The following TEX13A variants were observed in gnomAD, a reference collection of about 807,000 sequenced individuals.
TEX13A encodes testis-expressed protein 13A.
TEX13A carries 8 observed loss-of-function variants against 7.1 expected under a neutral mutation model. That is an observed-to-expected ratio of 1.12 (90% CI 0.66 to 2.03). The LOEUF (loss-of-function observed/expected upper bound fraction) is 2.03. TEX13A is among the 30% of genes most tolerant of loss of function. The pLI, the probability that TEX13A is intolerant of heterozygous loss-of-function variation, is 0.00. For synonymous variants in TEX13A, 151 were observed against 134.2 expected (o/e 1.13, Z -0.87); for missense variants, 362 against 332.2 (o/e 1.09, Z -0.70).
rs191775065 is a variant in TEX13A at position 105,219,986 on chromosome X, C to T, written c.412G>A (p.Glu138Lys). The part of the protein sequence containing the change: ...RLRMAQTSLV[E>K]VQKERDKELV... ...ACCTTGTCTCTCTCTTTCTGCACCTCCACGAGGCTGGTCTGGGCCATTCTT... is the reference window on the plus strand; with the variant it reads ...ACCTTGTCTCTCTCTTTCTGCACCTTCACGAGGCTGGTCTGGGCCATTCTT... Residue 138 changes from glutamate (E) to lysine (K), a missense_variant, in exon 2 of 3, where the codon GAG (glutamate) becomes AAG (lysine). Glu to Lys is a moderately conservative substitution (Grantham distance 56). Transcript: ENST00000600991. 383 of 1,204,141 alleles carry T rather than the reference C, an allele frequency of 3.2e-4. No homozygotes were observed. In the African/African-American group the frequency reaches 5.9e-3, roughly 19 times the overall value.
chrX:105,219,153 C>G lies in TEX13A; in HGVS notation c.1041G>C (p.Gly347=). ...CCTGATGGTCTATTCTGTGGGGCCC[C>G]CCATCAGACCACAGGCTAGTATCAA... The part of the protein sequence containing the change: ...EAFDTSLWSD[G]GPHRIDHQEH... The change falls in exon 3 of 3, where the codon GGG becomes GGC. Residue 347 remains glycine (G), a synonymous_variant. Transcript: ENST00000600991. The G allele has an allele frequency of 8.3e-7, 1 of 1,211,284 alleles. No homozygotes were observed. Among genetic ancestry groups the G allele is most frequent in the Non-Finnish European group, 1.1e-6 (1 of 895,339 alleles).
chrX:105,219,902 C>A (rs782365807), intron 2 of TEX13A, 61 bp downstream of exon 2: 31 of 1,112,099 alleles, frequency 2.8e-5, no homozygotes, highest in Non-Finnish European at 3.4e-5. Context: ...TGGGGCAGGG[C>A]AGTGGTACTG....
rs1228131777 is a variant in TEX13A, at chrX:105,219,604, T to G, written c.590A>C (p.Gln197Pro). ...GGCAGCCACAACCTCCACATCCCTCTGCTCTTCTTCTGCTCCTTTTCCTCC... is the reference window on the plus strand; with the variant it reads ...GGCAGCCACAACCTCCACATCCCTCGGCTCTTCTTCTGCTCCTTTTCCTCC... ...AAGGKGAEEEQRDVEVVAAPV... is the reference protein window; with the variant it reads ...AAGGKGAEEEPRDVEVVAAPV... The change falls in exon 3 of 3, where the codon CAG becomes CCG. Residue 197 changes from glutamine (Q) to proline (P), a missense_variant. Gln to Pro is a moderately conservative substitution (Grantham distance 76). Transcript: ENST00000600991. 1 of 1,208,199 alleles carries G rather than the reference T, an allele frequency of 8.3e-7. No individual in the cohort carries two copies. The highest frequency in any genetic ancestry group is 2.2e-5 in the Admixed American group (1 of 45,737).
chrX:105,220,450 A>G (rs1556180295), intron 1 of TEX13A, 21 bp from the exon 2 acceptor site: 2 of 1,060,089 alleles, frequency 1.9e-6, no homozygotes, highest in Admixed American at 2.9e-5. Context: ...GGAGCAGCCA[A>G]TAGGTTCCTT....
At position 105,220,617 on chromosome X, in the gene TEX13A, A is replaced by C. The variant is rs1267285413; in HGVS notation, c.-55T>G. On this transcript the variant is annotated 5_prime_UTR_variant, in exon 1 of 3. Transcript: ENST00000600991. ...CACCTCTTCAGCCAGGGCCAGAGGA[A>C]GTACAGGCCAACCCCGCTGTCTTAA... is the stretch of plus-strand genomic sequence containing the variant. 5.7e-6 allele frequency: 2 copies of C among 349,117 alleles called. No individual in the cohort carries two copies. Among genetic ancestry groups the C allele is most frequent in the African/African-American group, 5.1e-5 (2 of 38,915 alleles). The allele number at this position is 349,117 out of a possible 1,213,427, so 28.8% of individuals were successfully genotyped here.
rs1556177117 is a variant in TEX13A, at chrX:105,219,643, G to C, written c.551C>G (p.Ala184Gly). Residue 184 changes from alanine (A) to glycine (G), a missense_variant, in exon 3 of 3, where the codon GCT becomes GGT. By Grantham distance (60) the Ala-to-Gly change is moderately conservative (BLOSUM62 0). Transcript: ENST00000600991. ...TCCTTTTCCTCCAGCAGCACCAGCAGCAGCCACCGCCGCCTCTTCTTCCTC... is the reference window on the plus strand; with the variant it reads ...TCCTTTTCCTCCAGCAGCACCAGCACCAGCCACCGCCGCCTCTTCTTCCTC... ...AEEEEEAAVA[A>G]AGAAGGKGAE... 6 of 1,208,491 alleles carry C rather than the reference G, an allele frequency of 5.0e-6. No homozygotes were observed. The highest frequency in any genetic ancestry group is 1.1e-6 in the Non-Finnish European group (1 of 894,916).
chrX:105,219,019 C>T lies in TEX13A; in HGVS notation c.1175G>A (p.Arg392Gln), dbSNP rs782585592. The change falls in exon 3 of 3, where the codon CGG becomes CAG. Residue 392 changes from arginine to glutamine, a missense_variant. Physicochemically the swap from Arg to Gln is conservative, Grantham distance 43 (BLOSUM62 1). Transcript: ENST00000600991. Reference protein sequence around the residue: ...CPWCNAVNFSRRDTCFDCGKG... With the variant: ...CPWCNAVNFSQRDTCFDCGKG... ...CCCACAGTCGAAGCAAGTATCCCTC[C>T]GTGAAAAATTCACAGCGTTACACCA... The T allele has an allele frequency of 1.4e-5, 17 of 1,209,232 alleles. No individual in the cohort carries two copies. The highest frequency in any genetic ancestry group is 8.8e-5 in the South Asian group (5 of 56,713).
rs1556180581 is a variant in TEX13A at position 105,220,624 on chromosome X, G to A, written c.-62C>T. The A allele has an allele frequency of 5.9e-6, 2 of 341,111 alleles. No individual in the cohort carries two copies. The highest frequency in any genetic ancestry group is 1.0e-5 in the Non-Finnish European group (2 of 196,917). The allele number at this position is 341,111 out of a possible 1,213,427, so 28.1% of individuals were successfully genotyped here. ...TCAGCCAGGGCCAGAGGAAGTACAG[G>A]CCAACCCCGCTGTCTTAACACGCCC... On this transcript the variant is annotated 5_prime_UTR_variant, in exon 1 of 3. Coordinates refer to ENST00000600991, the MANE Select transcript of TEX13A (RefSeq NM_031274.5).
chrX:105,220,533 A>G, intron 1 of TEX13A, 62 bp downstream of exon 1: 1 of 597,330 alleles, frequency 1.7e-6, no homozygotes. Flanking sequence ...CTCTGACAAG[A>G]CCGTCCTAAT....
Position 105,219,222 on chromosome X carries a change from G to T in TEX13A, c.972C>A (p.Val324=). The change falls in exon 3 of 3, where the codon GTC becomes GTA. Residue 324 remains valine (V), a synonymous_variant. Transcript: ENST00000600991. ...GCAGCTGAGGCGGAACTGGTGCTGTGACTGTTGCTTGTGGAGGGGATATAG... is the reference window on the plus strand; with the variant it reads ...GCAGCTGAGGCGGAACTGGTGCTGTTACTGTTGCTTGTGGAGGGGATATAG... The part of the protein sequence containing the change: ...IPTISPPQAT[V]TAPVPPQLPS... 1 of 1,211,135 alleles carries T rather than the reference G, an allele frequency of 8.3e-7. No homozygotes were observed. The highest frequency in any genetic ancestry group is 1.1e-6 in the Non-Finnish European group (1 of 895,204).
chrX:105,219,336 T>G lies in TEX13A; in HGVS notation c.858A>C (p.Arg286Ser). 8.3e-7 allele frequency: 1 copy of G among 1,211,425 alleles called. No individual in the cohort carries two copies. The highest frequency in any genetic ancestry group is 1.1e-6 in the Non-Finnish European group (1 of 895,329). Reference protein sequence around the residue: ...YFSGTTNPWSRASSEPLPVQL... With the variant: ...YFSGTTNPWSSASSEPLPVQL... ...GGACAGGAAGAGGTTCTGATGAGGC[T>G]CTGGACCAGGGGTTCGTGGTTCCAG... is the stretch of plus-strand genomic sequence containing the variant. The change falls in exon 3 of 3, where the codon AGA becomes AGC. Residue 286 changes from arginine (R) to serine (S), a missense_variant. By Grantham distance (110) the Arg-to-Ser change is moderately radical. Transcript: ENST00000600991.
At chrX:105,220,453 G>T (rs782501337) in intron 1 of TEX13A, 24 bp from the exon 2 acceptor site, 14 of 1,048,798 alleles carry the variant, frequency 1.3e-5, no homozygotes, top group Non-Finnish European at 1.8e-5. Flanking sequence ...GCAGCCAATA[G>T]GTTCCTTTCC....
rs781950967 is a variant in TEX13A, at chrX:105,220,263, C to G, written c.135G>C (p.Lys45Asn). The G allele has an allele frequency of 1.7e-6, 2 of 1,209,916 alleles. No homozygotes were observed. Among genetic ancestry groups the G allele is most frequent in the Non-Finnish European group, 2.2e-6 (2 of 895,129 alleles). ...YLENISLSWE[K>N]VEDKLRAILE... ...GTATGGCCCTCAGCTTGTCTTCCAC[C>G]TTCTCCCAGGATAAGGATATATTCT... The change falls in exon 2 of 3, where the codon AAG becomes AAC. Residue 45 changes from lysine to asparagine, a missense_variant. Physicochemically the swap from Lys to Asn is moderately conservative, Grantham distance 94 (BLOSUM62 0). Transcript: ENST00000600991.
Position 105,219,263 on chromosome X carries a change from A to T in TEX13A, c.931T>A (p.Phe311Ile). 2.5e-6 allele frequency: 3 copies of T among 1,210,742 alleles called. No homozygotes were observed. The highest frequency in any genetic ancestry group is 2.2e-6 in the Non-Finnish European group (2 of 894,931). ...GGGGATATAGTGGGTATGTCTGAGA[A>T]GGAGGAAAAAGGGCTTGAGTATGAG... ...SYSYSSPFSS[F>I]SDIPTISPPQ... The change falls in exon 3 of 3, where the codon TTC (phenylalanine) becomes ATC (isoleucine). Residue 311 changes from phenylalanine to isoleucine, a missense_variant. Phe to Ile is a conservative substitution (Grantham distance 21, BLOSUM62 0). Coordinates refer to ENST00000600991, the MANE Select transcript of TEX13A (RefSeq NM_031274.5).
At position 105,219,754 on chromosome X, in the gene TEX13A, A is replaced by G. The variant is rs374296405; in HGVS notation, c.440T>C (p.Leu147Pro). 7.5e-6 allele frequency: 9 copies of G among 1,198,582 alleles called. No homozygotes were observed. Among genetic ancestry groups the G allele is most frequent in the Non-Finnish European group, 1.0e-5 (9 of 892,133 alleles). ...CTGCTCCCACTCATGGGGAGACACCAGCTCCTGGAGAGAAGTGGGCAGGGC... is the reference window on the plus strand; with the variant it reads ...CTGCTCCCACTCATGGGGAGACACCGGCTCCTGGAGAGAAGTGGGCAGGGC... ...VEVQKERDKELVSPHEWEQGA... is the reference protein window; with the variant it reads ...VEVQKERDKEPVSPHEWEQGA... The change falls in exon 3 of 3, where the codon CTG becomes CCG. Residue 147 changes from leucine (L) to proline (P), a missense_variant. Physicochemically the swap from Leu to Pro is moderately conservative, Grantham distance 98. Transcript: ENST00000600991.
rs782625248 is a variant in TEX13A at position 105,219,585 on chromosome X, C to A, written c.609G>T (p.Val203=). 2 of 1,209,968 alleles carry A rather than the reference C, an allele frequency of 1.7e-6. No individual in the cohort carries two copies. The highest frequency in any genetic ancestry group is 3.5e-5 in the South Asian group (2 of 56,916). ...AEEEQRDVEV[V]AAPVEAMAPP... is the part of the protein sequence containing the mutation. ...GAGCCATGGCCTCCACAGGGGCAGC[C>A]ACAACCTCCACATCCCTCTGCTCTT... Residue 203 remains valine (V), a synonymous_variant, in exon 3 of 3, where the codon GTG becomes GTT. Transcript: ENST00000600991.
Sources: gnomAD v4.1 joint callset for allele counts on GRCh38, gnomAD v4.1.1 for gene constraint, MANE v1.5 for transcripts, NCBI Gene and HGNC (gene_info 2026-07-23, HGNC 2026-07-21) for gene names.